The following RNGTT variants were observed in gnomAD, a reference collection of about 807,000 sequenced individuals.
The protein encoded by RNGTT is mRNA-capping enzyme.
RNGTT carries 33 observed loss-of-function variants against 79.3 expected under a neutral mutation model. That is an observed-to-expected ratio of 0.42 (90% CI 0.32 to 0.56). RNGTT has a LOEUF of 0.56. Among genes scored for constraint, RNGTT ranks in the 20% least tolerant of loss-of-function variants. RNGTT has a pLI of 0.17. For synonymous variants in RNGTT, 222 were observed against 235.9 expected (o/e 0.94, Z 0.54); for missense variants, 497 against 739.1 (o/e 0.67, Z 3.80).
At chr6:88,620,995 A>G (rs1347504301) in intron 14 of RNGTT, among the ~76,000 whole-genome samples, 1 of 152,218 alleles carries the variant, frequency 6.6e-6, no homozygotes, top group Non-Finnish European at 1.5e-5. Context: ...TCTTTAACAC[A>G]TGCTAAGTTG....
intron 12 of RNGTT, among the ~76,000 whole-genome samples, chr6:88,786,323 A>G (rs1779228145): frequency 6.6e-6 from 1 of 152,330 alleles, no homozygotes; most frequent in South Asian, 2.1e-4. Context: ...ATCAACTTAT[A>G]AAAGCTAGTA....
At chr6:88,810,670 T>C (rs958545098) in intron 11 of RNGTT, among the ~76,000 whole-genome samples, 1 of 152,248 alleles carries the variant, frequency 6.6e-6, no homozygotes, top group Non-Finnish European at 1.5e-5. Context: ...TTCTTTTGTG[T>C]CTGATATTAC....
chr6:88,889,007 A>G (rs547992335), intron 8 of RNGTT, among the ~76,000 whole-genome samples: 1 of 152,354 alleles, frequency 6.6e-6, no homozygotes, highest in East Asian at 1.9e-4. Flanking sequence ...CAGCCTGGAC[A>G]ACAAGAGTGA....
intron 1 of RNGTT, among the ~76,000 whole-genome samples, chr6:88,952,190 G>A (rs1785273264): frequency 6.6e-6 from 1 of 152,090 alleles, no homozygotes; most frequent in African/African-American, 2.4e-5. Context: ...CACAGCAGAG[G>A]CAGCCATAAT....
At chr6:88,945,747 C>T (rs946840405) in intron 1 of RNGTT, among the ~76,000 whole-genome samples, 2 of 152,138 alleles carry the variant, frequency 1.3e-5, no homozygotes, top group African/African-American at 4.8e-5. Context: ...TGAGTGAGGG[C>T]CATGTATCTG....
chr6:88,796,832 T>A (rs548695554), intron 12 of RNGTT, among the ~76,000 whole-genome samples: 1 of 152,312 alleles, frequency 6.6e-6, no homozygotes, highest in South Asian at 2.1e-4. Context: ...AGTTCTATTG[T>A]CTAATATTGC....
rs139326702 is a variant in RNGTT at position 88,853,162 on chromosome 6, T to C, written c.1032+467A>G. Among the ~76,000 whole-genome samples the C allele has an allele frequency of 1.7e-3, 255 of 152,362 alleles. 1 individual carries two copies. The highest frequency in any genetic ancestry group is 5.8e-3 in the African/African-American group (243 of 41,598). On this transcript the variant is annotated intron_variant, in intron 9 of 15. Transcript: ENST00000369485. The stretch of plus-strand genomic sequence containing the variant: ...TGGCAGATCTCTCTTTAAGAGGACC[T>C]TAATTCAATATAAGTATACATAAGA...
intron 4 of RNGTT, among the ~76,000 whole-genome samples, chr6:88,919,936 G>A (rs1036322128): frequency 2.0e-5 from 3 of 151,966 alleles, no homozygotes; most frequent in South Asian, 2.1e-4. Context: ...TGATCCACCC[G>A]CCTCGGCCTC....
intron 12 of RNGTT, among the ~76,000 whole-genome samples, chr6:88,786,734 G>C (rs187391488): frequency 6.6e-6 from 1 of 152,258 alleles, no homozygotes; most frequent in East Asian, 1.9e-4. Context: ...AAGTATTTTT[G>C]TCAAGTATAG....
chr6:88,768,317 A>C (rs1778535326), intron 13 of RNGTT, among the ~76,000 whole-genome samples: 1 of 152,096 alleles, frequency 6.6e-6, no homozygotes, highest in Non-Finnish European at 1.5e-5. Context: ...TATTTTGCCC[A>C]GACTGGTCTC....
At chr6:88,730,935 AC>A (rs1777092812) in intron 13 of RNGTT, among the ~76,000 whole-genome samples, 1 of 152,160 alleles carries the variant, frequency 6.6e-6, no homozygotes, top group Non-Finnish European at 1.5e-5. Context: ...AAACAAACAA[AC>A]AAAAAACCTA....
intron 12 of RNGTT, among the ~76,000 whole-genome samples, chr6:88,777,427 C>G (rs1467610336): frequency 6.6e-6 from 1 of 152,158 alleles, no homozygotes; most frequent in Admixed American, 6.5e-5. Flanking sequence ...CTGTGTATCA[C>G]TTTGGGTAGT....
intron 11 of RNGTT, among the ~76,000 whole-genome samples, chr6:88,839,337 G>A (rs917850641): frequency 1.3e-5 from 2 of 152,066 alleles, no homozygotes; most frequent in East Asian, 1.9e-4. Context: ...TTGGGAGGCC[G>A]AGGCAGGCAG....
At chr6:88,906,170 T>C (rs1438157637) in intron 5 of RNGTT, among the ~76,000 whole-genome samples, 195 bp downstream of exon 5, 1 of 151,820 alleles carries the variant, frequency 6.6e-6, no homozygotes, top group African/African-American at 2.4e-5. Flanking sequence ...AACATACATA[T>C]ATACACATAC....
At chr6:88,956,275 T>C (rs975145767) in intron 1 of RNGTT, among the ~76,000 whole-genome samples, 1 of 151,442 alleles carries the variant, frequency 6.6e-6, no homozygotes, top group Non-Finnish European at 1.5e-5. Flanking sequence ...CCTGGAAATA[T>C]ACAACCCTCC....
At chr6:88,911,329 G>C (rs1335354033) in intron 4 of RNGTT, among the ~76,000 whole-genome samples, 1 of 152,192 alleles carries the variant, frequency 6.6e-6, no homozygotes, top group East Asian at 1.9e-4. Context: ...AGCAGGGGTT[G>C]CTATTCTTGT....
intron 6 of RNGTT, among the ~76,000 whole-genome samples, chr6:88,904,155 C>A (rs1282575589): frequency 6.6e-6 from 1 of 152,006 alleles, no homozygotes; most frequent in Non-Finnish European, 1.5e-5. Flanking sequence ...ATAGTAAGTT[C>A]TCAATCTAAT....
chr6:88,820,253 G>A (rs1010457371), intron 11 of RNGTT, among the ~76,000 whole-genome samples: 3 of 152,136 alleles, frequency 2.0e-5, no homozygotes, highest in Non-Finnish European at 4.4e-5. Context: ...GAGGCTAGCA[G>A]TTCCACACTA....
intron 10 of RNGTT, among the ~76,000 whole-genome samples, chr6:88,848,450 A>C (rs1459314864): frequency 6.6e-6 from 1 of 152,088 alleles, no homozygotes; most frequent in Non-Finnish European, 1.5e-5. Context: ...AAAGCAAAAA[A>C]TGGAAACCTT....
Sources: allele counts gnomAD v4.1 joint callset (sites outside exome capture counted in the v4.1 genomes callset), GRCh38; gene constraint gnomAD v4.1.1; transcripts MANE v1.5; gene names NCBI Gene and HGNC (gene_info 2026-07-23, HGNC 2026-07-21).